The following SMC4 variants were observed in gnomAD, a reference collection of about 807,000 sequenced individuals.
The protein encoded by SMC4 is structural maintenance of chromosomes 4, also known as structural maintenance of chromosomes protein 4.
A neutral mutation model predicts 145.6 loss-of-function variants in SMC4; 87 were observed. The observed-to-expected ratio is 0.60, with a 90% CI of 0.50 to 0.71. The LOEUF is 0.71. SMC4 is among the 30% of genes least tolerant of loss of function. The probability of loss-of-function intolerance (pLI) is 0.00; values close to 1 mark genes in which losing one functional copy is unlikely to be tolerated. For missense variants in SMC4, 1,447 were observed against 1,537.1 expected (o/e 0.94, Z 0.98); for synonymous variants, 558 against 500.7 (o/e 1.11, Z -1.53).
chr3:160,417,720 CAG>C lies in SMC4; in HGVS notation c.1438_1439del. 1 of 1,605,336 alleles carries C rather than the reference CAG, an allele frequency of 6.2e-7. No individual in the cohort carries two copies. The highest frequency in any genetic ancestry group is 8.5e-7 in the Non-Finnish European group (1 of 1,176,250). On this transcript the variant is annotated splice_acceptor_variant, in intron 10 of 23. Coordinates refer to ENST00000357388, the MANE Select transcript of SMC4 (RefSeq NM_001002800.3). LOFTEE classifies it high-confidence loss of function. Reference sequence around the variant, plus strand: ...CAGATTTAATGAACTCATATTTTAACAGAGTCGAGAGAAAGAACTTATGGGTT... The same window carrying C: ...CAGATTTAATGAACTCATATTTTAACAGTCGAGAGAAAGAACTTATGGGTT...
Position 160,428,760 on chromosome 3 carries a change from T to C in SMC4, c.2613T>C (p.Asp871=). The change falls in exon 18 of 24, where the codon GAT becomes GAC. Residue 871 remains aspartate (D), a synonymous_variant. Transcript: ENST00000357388. Reference sequence around the variant, plus strand: ...TTTATTTTTTAATTTCAGAATATGATGCTGTGGCTGAGAAAGCTGGTAAAG... The same window carrying C: ...TTTATTTTTTAATTTCAGAATATGACGCTGTGGCTGAGAAAGCTGGTAAAG... ...ENVSAFKTEY[D]AVAEKAGKVE... is the part of the protein sequence containing the mutation. The C allele has an allele frequency of 6.3e-7, 1 of 1,582,982 alleles. No individual in the cohort carries two copies. Among genetic ancestry groups the C allele is most frequent in the Non-Finnish European group, 8.5e-7 (1 of 1,172,472 alleles).
chr3:160,430,163 GT>G (rs1718235338), intron 18 of SMC4, among the ~76,000 whole-genome samples: 1 of 95,510 alleles, frequency 1.0e-5, no homozygotes, highest in African/African-American at 4.1e-5. Context: ...TTAATCCAGA[GT>G]GTTTTGCTCA....
chr3:160,401,330 C>T (rs1466955353), intron 2 of SMC4, among the ~76,000 whole-genome samples: 2 of 152,104 alleles, frequency 1.3e-5, no homozygotes, highest in African/African-American at 4.8e-5. Context: ...ATCAATATGA[C>T]TATGTGAGCA....
In SMC4 at chr3:160,431,346, T is replaced by C; in HGVS notation, c.3114+141T>C. ...TGATTTTTAATTCTGTGATCACTTC[T>C]AAGGTTTATAGGGGACATAACAATA... On this transcript the variant is annotated intron_variant, in intron 20 of 23. Coordinates refer to ENST00000357388, the MANE Select transcript of SMC4 (RefSeq NM_001002800.3). 5 of 718,460 alleles carry C rather than the reference T, an allele frequency of 7.0e-6. No individual in the cohort carries two copies. In the South Asian group the frequency reaches 1.1e-4, roughly 15 times the overall value. The allele number at this position is 718,460 out of a possible 1,614,324, so 44.5% of individuals were successfully genotyped here.
intron 7 of SMC4, 194 bp downstream of exon 7, chr3:160,412,647 A>C: frequency 8.9e-7 from 1 of 1,126,524 alleles, no homozygotes; most frequent in South Asian, 2.1e-5. Flanking sequence ...GGATCACTTG[A>C]GGCTGGGAGT....
chr3:160,404,189 C>A, intron 4 of SMC4, 139 bp from the exon 5 acceptor site: 1 of 676,594 alleles, frequency 1.5e-6, no homozygotes, highest in Non-Finnish European at 2.4e-6. Flanking sequence ...TTAATGAGAA[C>A]TACTGGCAGT....
At chr3:160,412,156 G>A in intron 6 of SMC4, 72 bp downstream of exon 6, 1 of 1,520,070 alleles carries the variant, frequency 6.6e-7, no homozygotes, top group South Asian at 1.2e-5. Context: ...TAGTAAGTCA[G>A]ATATTCATGT....
intron 5 of SMC4, among the ~76,000 whole-genome samples, chr3:160,407,006 T>G (rs1164171838): frequency 2.0e-5 from 3 of 152,248 alleles, no homozygotes; most frequent in Non-Finnish European, 2.9e-5. Context: ...GTTGTAAGTC[T>G]GTACAAGTAG....
intron 1 of SMC4, 147 bp from the exon 2 acceptor site, chr3:160,400,675 A>C: frequency 9.7e-7 from 1 of 1,034,978 alleles, no homozygotes; most frequent in Non-Finnish European, 1.3e-6. Context: ...GTGTCTTTCG[A>C]TGGCTCCCTT....
chr3:160,418,296 A>G (rs899760716), intron 11 of SMC4, among the ~76,000 whole-genome samples: 12 of 152,256 alleles, frequency 7.9e-5, no homozygotes, highest in Non-Finnish European at 1.5e-4. Context: ...TATAATGAAT[A>G]TACAAACAAC....
rs76974244 is a variant in SMC4, at chr3:160,402,664, T to C, written c.319-12T>C. The C allele has an allele frequency of 5.7e-3, 9,084 of 1,594,726 alleles. 476 individuals carry two copies. In the African/African-American group the frequency reaches 0.11, roughly 19 times the overall value. ...AACTTTTCCGTGTTTTGTTTTTGTTTTTTTAATGCAGCGCTTTTCCTGTAT... is the reference window on the plus strand; with the variant it reads ...AACTTTTCCGTGTTTTGTTTTTGTTCTTTTAATGCAGCGCTTTTCCTGTAT... On this transcript the variant is annotated splice_polypyrimidine_tract_variant and intron_variant, in intron 3 of 23. Transcript: ENST00000357388.
chr3:160,411,688 T>C (rs1716002095), intron 5 of SMC4: 2 of 356,990 alleles, frequency 5.6e-6, no homozygotes, highest in Middle Eastern at 1.6e-3. Context: ...AGGATTTATC[T>C]AAGGGAATAT....
chr3:160,400,975 C>G lies in SMC4; in HGVS notation c.139+10C>G. On this transcript the variant is annotated intron_variant, in intron 2 of 23. Coordinates refer to ENST00000357388, the MANE Select transcript of SMC4 (RefSeq NM_001002800.3). The stretch of plus-strand genomic sequence containing the variant: ...CCAGCCACCGCCGCAGGTGAGTGAC[C>G]CGCCGCGACTCGGCGGGAACGCGCG... 7.2e-7 allele frequency: 1 copy of G among 1,388,758 alleles called. No homozygotes were observed. 86.0% of individuals were successfully genotyped at this position (1,388,758 alleles called of 1,614,324 possible). A position where few individuals can be genotyped will look rare whatever the true frequency, so the allele number is the denominator to read the frequency against.
In SMC4 at chr3:160,413,525, C is replaced by G. The variant is rs967115352; in HGVS notation, c.1033C>G (p.His345Asp). Residue 345 changes from histidine to aspartate, a missense_variant, in exon 8 of 24, where the codon CAT becomes GAT. Physicochemically the swap from His to Asp is moderately conservative, Grantham distance 81. Transcript: ENST00000357388. The part of the protein sequence containing the change: ...AEMETQKEKI[H>D]EDTKEINEKS... Reference sequence around the variant, plus strand: ...AATGGAAACTCAAAAGGAAAAAATTCATGAAGATACCAAAGAAATTAATGA... The same window carrying G: ...AATGGAAACTCAAAAGGAAAAAATTGATGAAGATACCAAAGAAATTAATGA... 2 of 1,582,812 alleles carry G rather than the reference C, an allele frequency of 1.3e-6. No homozygotes were observed. The highest frequency in any genetic ancestry group is 1.7e-6 in the Non-Finnish European group (2 of 1,168,148).
At chr3:160,418,186 C>G (rs1433680388) in intron 11 of SMC4, among the ~76,000 whole-genome samples, 1 of 151,970 alleles carries the variant, frequency 6.6e-6, no homozygotes, top group Admixed American at 6.6e-5. Flanking sequence ...CACCACCACC[C>G]CACTGTAGAA....
chr3:160,411,888 C>T (rs753219895), intron 5 of SMC4, 32 bp from the exon 6 acceptor site: 18 of 1,589,050 alleles, frequency 1.1e-5, no homozygotes, highest in African/African-American at 2.7e-5. Context: ...TAAACATACA[C>T]AGTGAGTATG....
intron 8 of SMC4, 44 bp from the exon 9 acceptor site, chr3:160,414,323 G>A (rs775211171): frequency 7.4e-6 from 11 of 1,481,200 alleles, no homozygotes; most frequent in Non-Finnish European, 2.8e-6. Context: ...TTTAAAATAT[G>A]TGCACATTCA....
intron 7 of SMC4, among the ~76,000 whole-genome samples, chr3:160,413,101 A>G (rs947488066): frequency 6.6e-6 from 1 of 151,444 alleles, no homozygotes; most frequent in African/African-American, 2.4e-5. Context: ...CACCTGGCTA[A>G]TTATTATTAT....
At position 160,433,035 on chromosome 3, in the gene SMC4, A is replaced by C; in HGVS notation, c.3540A>C (p.Pro1180=). The C allele has an allele frequency of 1.2e-6, 2 of 1,611,100 alleles. No individual in the cohort carries two copies. The highest frequency in any genetic ancestry group is 1.7e-6 in the Non-Finnish European group (2 of 1,177,576). Residue 1180 remains proline, a synonymous_variant, in exon 23 of 24, where the codon CCA becomes CCC. Coordinates refer to ENST00000357388, the MANE Select transcript of SMC4 (RefSeq NM_001002800.3). ...TTCTTAATCATTTCAGTGTTCGACC[A>C]CCTAAGAAAAGTTGGAAAAAGATCT... The part of the protein sequence containing the change: ...FSEGIMFSVR[P]PKKSWKKIFN...
Sources: gnomAD v4.1 joint callset for allele counts (sites outside exome capture counted in the v4.1 genomes callset) on GRCh38, gnomAD v4.1.1 for gene constraint, MANE v1.5 for transcripts, NCBI Gene and HGNC (gene_info 2026-07-23, HGNC 2026-07-21) for gene names.